Variants in CPVL observed in about 807,000 individuals in gnomAD.
The protein encoded by CPVL is probable serine carboxypeptidase CPVL.
CPVL carries 51 observed loss-of-function variants against 63.7 expected under a neutral mutation model. That is an observed-to-expected ratio of 0.80 (90% CI 0.64 to 1.01). CPVL has a LOEUF of 1.01. CPVL is among the 50% of genes least tolerant of loss of function. The pLI is 0.00. For synonymous variants in CPVL, 195 were observed against 206.0 expected, an observed-to-expected ratio of 0.95 and a Z score of 0.46; for missense variants, 530 against 573.1, an observed-to-expected ratio of 0.92 and a Z score of 0.77.
intron 3 of CPVL, among the ~76,000 whole-genome samples, chr7:29,097,371 A>T (rs923395482): frequency 6.6e-5 from 10 of 152,250 alleles, no homozygotes; most frequent in Admixed American, 2.0e-4. Flanking sequence ...GGAACTTAGA[A>T]TTGCATGGGC....
chr7:29,037,006 T>A (rs1033971092), intron 11 of CPVL, among the ~76,000 whole-genome samples: 4 of 152,326 alleles, frequency 2.6e-5, no homozygotes, highest in African/African-American at 9.6e-5. Context: ...CCACATTGCC[T>A]CACTACTGTC....
intron 2 of CPVL, among the ~76,000 whole-genome samples, chr7:29,115,955 CCTTTTA>C (rs1788736293): frequency 6.6e-6 from 1 of 152,138 alleles, no homozygotes; most frequent in Non-Finnish European, 1.5e-5. Context: ...TTCTCTACTA[CCTTTTA>C]CTTGAGTATG....
At chr7:29,147,055 A>G (rs1478263208), upstream of CPVL, 12 of 1,498,374 alleles carry the variant, frequency 8.0e-6, no homozygotes. Flanking sequence ...GTACCATTAT[A>G]CCCATTTTGC....
intron 1 of CPVL, chr7:29,193,096 T>G (rs1317612468): frequency 6.6e-6 from 1 of 152,222 alleles, no homozygotes; most frequent in Non-Finnish European, 1.5e-5. Flanking sequence ...TTGGGTCTCC[T>G]TAGACCAGCC....
chr7:29,059,855 G>C (rs1266167491), intron 11 of CPVL, among the ~76,000 whole-genome samples: 1 of 152,006 alleles, frequency 6.6e-6, no homozygotes, highest in Non-Finnish European at 1.5e-5. Context: ...CTACTTACAG[G>C]TTTGCTCCTG....
chr7:29,096,537 A>T, intron 3 of CPVL: 1 of 368,306 alleles, frequency 2.7e-6, no homozygotes, highest in Non-Finnish European at 5.0e-6. Context: ...TGCCTGGGGC[A>T]TGGTTATATA....
intron 5 of CPVL, among the ~76,000 whole-genome samples, chr7:29,178,142 C>T (rs1797598648): frequency 1.3e-5 from 2 of 152,182 alleles, no homozygotes; most frequent in Non-Finnish European, 2.9e-5. Context: ...TCTGTCCACA[C>T]CATCAGCCTT....
chr7:29,173,256 A>G (rs1302194196), intron 5 of CPVL, among the ~76,000 whole-genome samples: 1 of 152,102 alleles, frequency 6.6e-6, no homozygotes, highest in Non-Finnish European at 1.5e-5. Flanking sequence ...AACCCAGAGG[A>G]AAAAAAGCCC....
intron 3 of CPVL, among the ~76,000 whole-genome samples, chr7:29,101,744 T>C (rs888078909): frequency 2.0e-5 from 3 of 152,304 alleles, no homozygotes; most frequent in Admixed American, 6.5e-5. Context: ...GAGATGATCA[T>C]GGAGATGCTT....
intron 3 of CPVL, among the ~76,000 whole-genome samples, chr7:29,109,632 C>T (rs1047799983): frequency 6.6e-6 from 1 of 152,142 alleles, no homozygotes; most frequent in Non-Finnish European, 1.5e-5. Context: ...ATCTTGGCTG[C>T]CACATGGTGG....
At chr7:29,098,937 T>A (rs987271549) in intron 3 of CPVL, among the ~76,000 whole-genome samples, 6 of 152,038 alleles carry the variant, frequency 3.9e-5, no homozygotes, top group African/African-American at 1.2e-4. Flanking sequence ...TAGTGGCACG[T>A]GTCTGTAATA....
chr7:29,073,970 C>T (rs1464542174), intron 7 of CPVL, among the ~76,000 whole-genome samples: 1 of 152,218 alleles, frequency 6.6e-6, no homozygotes, highest in African/African-American at 2.4e-5. Flanking sequence ...AGACCCTTCA[C>T]AGCATCTCCA....
chr7:29,177,160 T>TTCTAATCTTCAGATTAGATTAAAGTAAA (rs1797455111), intron 5 of CPVL, among the ~76,000 whole-genome samples: 1 of 152,216 alleles, frequency 6.6e-6, no homozygotes, highest in African/African-American at 2.4e-5. Context: ...ACTTATTCCT[T>TTCTAATCTTCAGATTAGATTAAAGTAAA]TCTAATCTTC....
intron 1 of CPVL, among the ~76,000 whole-genome samples, chr7:29,139,183 A>G (rs935549532): frequency 2.0e-5 from 3 of 152,300 alleles, no homozygotes. Context: ...CTCTGCCACA[A>G]TTCCTGAATG....
chr7:29,086,714 T>C (rs1416652489), intron 6 of CPVL, among the ~76,000 whole-genome samples, 164 bp from the exon 7 acceptor site: 1 of 152,208 alleles, frequency 6.6e-6, no homozygotes, highest in African/African-American at 2.4e-5. Context: ...ACACAATACA[T>C]GTGGGCTTAC....
intron 11 of CPVL, among the ~76,000 whole-genome samples, chr7:29,051,042 T>C (rs576383196): frequency 1.3e-5 from 2 of 152,290 alleles, no homozygotes; most frequent in Admixed American, 6.5e-5. Flanking sequence ...GATAATTGGC[T>C]AGCCACATGC....
At chr7:29,132,487 G>A (rs1386169934) in intron 1 of CPVL, among the ~76,000 whole-genome samples, 1 of 152,112 alleles carries the variant, frequency 6.6e-6, no homozygotes, top group African/African-American at 2.4e-5. Context: ...GGGTACATTT[G>A]GATAAACTGG....
chr7:29,011,585 C>T (rs1377728073), intron 12 of CPVL: 1 of 152,182 alleles, frequency 6.6e-6, no homozygotes, highest in African/African-American at 2.4e-5. Context: ...AAAATAAATA[C>T]ATACATAATT....
chr7:29,023,742 T>C (rs1332031355), intron 12 of CPVL, among the ~76,000 whole-genome samples: 3 of 152,190 alleles, frequency 2.0e-5, no homozygotes, highest in Admixed American at 6.5e-5. Flanking sequence ...ACACTGATTA[T>C]AGCTGAAGAA....
Sources: gnomAD v4.1 joint callset for allele counts (sites outside exome capture counted in the v4.1 genomes callset) on GRCh38, gnomAD v4.1.1 for gene constraint, MANE v1.5 for transcripts, NCBI Gene and HGNC (gene_info 2026-07-23, HGNC 2026-07-21) for gene names.